The following KDM2A variants were observed in gnomAD, a reference collection of about 807,000 sequenced individuals.
The protein encoded by KDM2A is lysine-specific demethylase 2A.
Under a neutral mutation model 137.3 loss-of-function variants are expected in KDM2A, and 3 were observed. The observed-to-expected ratio is 0.02, with a 90% CI of 0.01 to 0.06. KDM2A has a LOEUF of 0.06. Ranked by LOEUF, KDM2A falls within the 10% of genes least tolerant of loss-of-function variation. The pLI is 1.00. For missense variants in KDM2A, 738 were observed against 1,510.6 expected (o/e 0.49, Z 8.48); for synonymous variants, 512 against 541.5 (o/e 0.95, Z 0.76).
intron 5 of KDM2A, 61 bp from the exon 6 acceptor site, chr11:67,207,446 ATTC>A: frequency 1.0e-5 from 13 of 1,254,074 alleles, no homozygotes; most frequent in Non-Finnish European, 1.4e-5. Flanking sequence ...TTTAAAAAAT[ATTC>A]TTACTATATT....
intron 2 of KDM2A, among the ~76,000 whole-genome samples, chr11:67,165,881 A>G (rs577616959): frequency 1.6e-4 from 25 of 152,220 alleles, no homozygotes; most frequent in African/African-American, 4.3e-4. Flanking sequence ...GTCAACTTTT[A>G]GGGGTTTTTT....
chr11:67,151,307 A>G (rs1333721833), intron 2 of KDM2A, among the ~76,000 whole-genome samples: 5 of 152,178 alleles, frequency 3.3e-5, no homozygotes, highest in African/African-American at 9.7e-5. Flanking sequence ...TGTGGCTACT[A>G]TGAATTAAGA....
At chr11:67,133,332 C>G (rs532065271) in intron 2 of KDM2A, among the ~76,000 whole-genome samples, 1 of 152,008 alleles carries the variant, frequency 6.6e-6, no homozygotes, top group Non-Finnish European at 1.5e-5. Flanking sequence ...AAACTCCTGA[C>G]CTCAAGTGAT....
At chr11:67,192,422 T>G (rs1857377644) in intron 5 of KDM2A, among the ~76,000 whole-genome samples, 1 of 151,160 alleles carries the variant, frequency 6.6e-6, no homozygotes, top group Non-Finnish European at 1.5e-5. Context: ...ACATTTACTT[T>G]GTTTCCATTT....
In KDM2A at chr11:67,215,945, G is replaced by C; in HGVS notation, c.683G>C (p.Gly228Ala). The C allele has an allele frequency of 6.2e-7, 1 of 1,613,142 alleles. No homozygotes were observed. The highest frequency in any genetic ancestry group is 8.5e-7 in the Non-Finnish European group (1 of 1,179,124). ...GTTTGGTATCACATCCATCAAGGGG[G>C]AAAGGTATGGTCATAGTTGTGATAG... ...TSVWYHIHQG[G>A]KVFWLIPPTA... The change falls in exon 8 of 21, where the codon GGA (glycine) becomes GCA (alanine). Residue 228 changes from glycine to alanine, a missense_variant. Gly to Ala is a moderately conservative substitution (Grantham distance 60). Around this residue, in one of 9 missense-constraint regions of KDM2A, gnomAD observed 43 missense variants for 254.6 expected, o/e 0.17. Coordinates refer to ENST00000529006, the MANE Select transcript of KDM2A (RefSeq NM_012308.3).
intron 2 of KDM2A, among the ~76,000 whole-genome samples, chr11:67,161,485 C>T (rs927311165): frequency 3.9e-5 from 6 of 152,104 alleles, no homozygotes; most frequent in African/African-American, 1.4e-4. Context: ...TGACCTGTAG[C>T]AGGAAATACA....
chr11:67,227,759 T>C (rs2136419167), intron 10 of KDM2A, among the ~76,000 whole-genome samples: 1 of 152,226 alleles, frequency 6.6e-6, no homozygotes. Flanking sequence ...TTAGTAGAGG[T>C]AGGGTTTCAC....
rs575229006 is a variant in KDM2A, at chr11:67,255,115, A to G, written c.*60A>G. 102 of 1,495,918 alleles carry G rather than the reference A, an allele frequency of 6.8e-5. No homozygotes were observed. The East Asian group carries it at 1.0e-3, about 15-fold the overall frequency. The allele number at this position is 1,495,918 out of a possible 1,614,324, so 92.7% of individuals were successfully genotyped here. A position where few individuals can be genotyped will look rare whatever the true frequency, so the allele number is the denominator to read the frequency against. Reference sequence around the variant, plus strand: ...CTTCCCCTGACTCCCCACCGAGGAGAGCCTCTCCTCGACCCTGCACGGGCT... The same window carrying G: ...CTTCCCCTGACTCCCCACCGAGGAGGGCCTCTCCTCGACCCTGCACGGGCT... On this transcript the variant is annotated 3_prime_UTR_variant, in exon 21 of 21. Coordinates refer to ENST00000529006, the MANE Select transcript of KDM2A (RefSeq NM_012308.3).
At chr11:67,128,037 C>T (rs1006258914) in intron 2 of KDM2A, among the ~76,000 whole-genome samples, 6 of 98,878 alleles carry the variant, frequency 6.1e-5, no homozygotes, top group South Asian at 3.6e-4. Context: ...TTTTTTTAGG[C>T]GGGGTCTTGC....
chr11:67,141,159 T>C (rs1590715833), intron 2 of KDM2A, among the ~76,000 whole-genome samples: 1 of 152,128 alleles, frequency 6.6e-6, no homozygotes, highest in African/African-American at 2.4e-5. Context: ...CACAAGCATC[T>C]GAAGATACCC....
intron 5 of KDM2A, among the ~76,000 whole-genome samples, chr11:67,192,678 C>T (rs1418017903): frequency 1.3e-5 from 2 of 151,880 alleles, no homozygotes; most frequent in African/African-American, 4.8e-5. Context: ...CTCCTGACCT[C>T]AAGTGATCCA....
chr11:67,169,723 C>CCT (rs1856833223), intron 2 of KDM2A, among the ~76,000 whole-genome samples: 1 of 121,530 alleles, frequency 8.2e-6, no homozygotes, highest in African/African-American at 2.5e-5. Flanking sequence ...TCTTCTCTCT[C>CCT]TCTCTCTCCT....
chr11:67,228,553 A>G (rs1180698723), intron 11 of KDM2A, among the ~76,000 whole-genome samples: 5 of 151,898 alleles, frequency 3.3e-5, no homozygotes, highest in East Asian at 1.9e-4. Context: ...TTGGGTAGGC[A>G]TGGTGGCTCG....
chr11:67,201,558 AG>A (rs1337145218), intron 5 of KDM2A, among the ~76,000 whole-genome samples: 1 of 151,928 alleles, frequency 6.6e-6, no homozygotes, highest in African/African-American at 2.4e-5. Flanking sequence ...ATCACAAGTC[AG>A]GGGTACAAGA....
chr11:67,177,896 T>A (rs750103534), intron 2 of KDM2A, among the ~76,000 whole-genome samples: 1 of 152,206 alleles, frequency 6.6e-6, no homozygotes. Context: ...TGCTATGATG[T>A]CCTGATGGCA....
chr11:67,162,779 T>A (rs965415623), intron 2 of KDM2A, among the ~76,000 whole-genome samples: 1 of 152,250 alleles, frequency 6.6e-6, no homozygotes, highest in South Asian at 2.1e-4. Flanking sequence ...AGTGGTGTGA[T>A]CATTGTTCAC....
At chr11:67,143,167 A>G (rs936855359) in intron 2 of KDM2A, 7 of 151,702 alleles carry the variant, frequency 4.6e-5, no homozygotes. Flanking sequence ...GATGACAGGC[A>G]TACACCAGTA....
intron 2 of KDM2A, among the ~76,000 whole-genome samples, chr11:67,157,376 TGTGA>T (rs1193023081): frequency 2.7e-5 from 4 of 150,002 alleles, no homozygotes; most frequent in African/African-American, 7.3e-5. Context: ...GTCTTTCGTG[TGTGA>T]GTGTGTGTGA....
At chr11:67,203,916 T>A (rs1422173635) in intron 5 of KDM2A, among the ~76,000 whole-genome samples, 1 of 151,798 alleles carries the variant, frequency 6.6e-6, no homozygotes, top group African/African-American at 2.4e-5. Context: ...ATCTCTTGCC[T>A]CAGCCTCCTA....
Sources: gnomAD v4.1 joint callset for allele counts (sites outside exome capture counted in the v4.1 genomes callset) on GRCh38, gnomAD v4.1.1 for gene constraint, gnomAD v4.1.1 regional missense constraint, MANE v1.5 for transcripts, NCBI Gene and HGNC (gene_info 2026-07-23, HGNC 2026-07-21) for gene names.